EFHB: variants seen among roughly 807,000 people sequenced by gnomAD.
EFHB encodes EF-hand domain-containing family member B.
In EFHB, 91 loss-of-function variants were observed where a neutral mutation model predicts 87.2. The observed-to-expected ratio is 1.04, with a 90% CI of 0.88 to 1.24. The LOEUF is 1.24. EFHB is among the 50% of genes most tolerant of loss of function. The probability of loss-of-function intolerance (pLI) is 0.00; values close to 1 mark genes in which losing one functional copy is unlikely to be tolerated. For missense variants in EFHB, 1,084 were observed against 998.8 expected (o/e 1.09, Z -1.15); for synonymous variants, 325 against 333.6 (o/e 0.97, Z 0.28).
rs560529462 is a variant in EFHB, at chr3:19,884,440, A to G, written c.2109T>C (p.Ser703=). ...TGGCTCCTACAATTGCATTGATCTC[A>G]GAAGAAGTTGTCTTATAGTAGTTGG... ...KVSNYYKTTS[S]EINAIVGAIP... is the part of the protein sequence containing the mutation. The change falls in exon 11 of 13, where the codon TCT becomes TCC. Residue 703 remains serine, a synonymous_variant. Coordinates refer to ENST00000295824, the MANE Select transcript of EFHB (RefSeq NM_144715.4). 6.2e-7 allele frequency: 1 copy of G among 1,613,876 alleles called. No individual in the cohort carries two copies. Among genetic ancestry groups the G allele is most frequent in the African/African-American group, 1.3e-5 (1 of 75,046 alleles).
At position 19,934,117 on chromosome 3, in the gene EFHB, C is replaced by T; in HGVS notation, c.-99G>A. On this transcript the variant is annotated 5_prime_UTR_variant, in exon 1 of 13. Transcript: ENST00000295824. ...ACGCCTCCAATCCCTTGCGGAACCC[C>T]TCTCTCAGGAAAGAGCACAACCTCA... 1 of 1,467,274 alleles carries T rather than the reference C, an allele frequency of 6.8e-7. No individual in the cohort carries two copies. 90.9% of individuals were successfully genotyped at this position (1,467,274 alleles called of 1,614,324 possible). A position where few individuals can be genotyped will look rare whatever the true frequency, so the allele number is the denominator to read the frequency against.
In EFHB at chr3:19,888,321, G is replaced by A. The variant is rs148888292; in HGVS notation, c.1933+123C>T. 66 of 408,934 alleles carry A rather than the reference G, an allele frequency of 1.6e-4. 1 individual carries two copies. In the East Asian group the frequency reaches 2.7e-3, roughly 17 times the overall value. The allele number at this position is 408,934 out of a possible 1,614,324, so 25.3% of individuals were successfully genotyped here. ...GCAAGAGAATCCCTTGAACCCAGGA[G>A]TTCAAGGGCAAGTAGGACCAGCCTG... On this transcript the variant is annotated intron_variant, in intron 10 of 12. Coordinates refer to ENST00000295824, the MANE Select transcript of EFHB (RefSeq NM_144715.4).
intron 9 of EFHB, among the ~76,000 whole-genome samples, chr3:19,895,504 C>A (rs1257319550): frequency 6.6e-6 from 1 of 151,924 alleles, no homozygotes; most frequent in African/African-American, 2.4e-5. Context: ...AGGAATATGC[C>A]TGGTGGTTTA....
chr3:19,910,054 T>A (rs1312184974), intron 5 of EFHB, among the ~76,000 whole-genome samples: 2 of 151,608 alleles, frequency 1.3e-5, no homozygotes, highest in Admixed American at 6.6e-5. Context: ...AGAGCAAAAC[T>A]CCTTCTGCTT....
intron 1 of EFHB, among the ~76,000 whole-genome samples, chr3:19,939,637 A>G (rs1037661175): frequency 1.6e-4 from 24 of 150,728 alleles, no homozygotes; most frequent in African/African-American, 2.7e-4. Context: ...GCCCGCCTCG[A>G]CCTCCCAGAG....
upstream of EFHB, among the ~76,000 whole-genome samples, chr3:19,939,178 T>G (rs1696091056): frequency 6.6e-6 from 1 of 150,416 alleles, no homozygotes; most frequent in South Asian, 2.1e-4. Context: ...AAGTGCTGGA[T>G]TACATGCACG....
chr3:19,918,405 G>A lies in EFHB; in HGVS notation c.1004C>T (p.Thr335Ile). 6.3e-7 allele frequency: 1 copy of A among 1,586,254 alleles called. No homozygotes were observed. The highest frequency in any genetic ancestry group is 8.5e-7 in the Non-Finnish European group (1 of 1,170,806). The change falls in exon 4 of 13, where the codon ACA (threonine) becomes ATA (isoleucine). Residue 335 changes from threonine to isoleucine, a missense_variant. Transcript: ENST00000295824. Reference sequence around the variant, plus strand: ...GGTAATAGGCTGTGGGTTTATCAATGTGTTTGCCTAAAGAAATCATACAAT... The same window carrying A: ...GGTAATAGGCTGTGGGTTTATCAATATGTTTGCCTAAAGAAATCATACAAT... ...IRSKISVLAN[T>I]LINPQPITTF...
chr3:19,929,972 A>G (rs1695774679), intron 1 of EFHB, among the ~76,000 whole-genome samples: 1 of 152,172 alleles, frequency 6.6e-6, no homozygotes, highest in Non-Finnish European at 1.5e-5. Flanking sequence ...CTTTAGCCGA[A>G]TTACCTAAAT....
upstream of EFHB, chr3:19,936,155 C>A (rs763057142): frequency 1.4e-6 from 2 of 1,433,558 alleles, no homozygotes; most frequent in Non-Finnish European, 1.9e-6. Flanking sequence ...AATCTCAACA[C>A]TTCGGGAAGC....
rs1214280801 is a variant in EFHB at position 19,882,056 on chromosome 3, TAAA to T, written c.2328+491_2328+493del. ...ATAAATAAATAAATAAATAAATAAA[TAAA>T]TAATTAAATAAGACAGATGTATTAC... On this transcript the variant is annotated intron_variant, in intron 12 of 12. Transcript: ENST00000295824. Among the ~76,000 whole-genome samples, 34 of 91,662 alleles carry T rather than the reference TAAA, an allele frequency of 3.7e-4. No individual in the cohort carries two copies. The East Asian group carries it at 6.8e-3, about 18-fold the overall frequency. 60.1% of individuals were successfully genotyped at this position (91,662 alleles called of 152,430 possible).
Position 19,905,643 on chromosome 3 carries a change from T to A in EFHB, c.1395A>T (p.Leu465=). ...FNDGRAMAKS[L]YWLHELQMKR... Reference sequence around the variant, plus strand: ...ACATTTGTAGTTCATGGAGCCAATATAGAGATTTTGCCATGGCTCGTCCAT... The same window carrying A: ...ACATTTGTAGTTCATGGAGCCAATAAAGAGATTTTGCCATGGCTCGTCCAT... Residue 465 remains leucine (L), a synonymous_variant, in exon 6 of 13, where the codon CTA becomes CTT. Transcript: ENST00000295824. The A allele has an allele frequency of 6.2e-7, 1 of 1,613,802 alleles. No homozygotes were observed. Among genetic ancestry groups the A allele is most frequent in the Non-Finnish European group, 8.5e-7 (1 of 1,179,784 alleles).
intron 3 of EFHB, among the ~76,000 whole-genome samples, chr3:19,918,652 TAGCTTCCAGGTTACTTG>T (rs1017561755): frequency 2.6e-5 from 4 of 152,086 alleles, no homozygotes; most frequent in African/African-American, 9.7e-5. Flanking sequence ...TTTACAATGA[TAGCTTCCAGGTTACTTG>T]ACTCAAATAT....
chr3:19,895,185 T>C (rs1694438306), intron 9 of EFHB, among the ~76,000 whole-genome samples: 1 of 151,118 alleles, frequency 6.6e-6, no homozygotes, highest in African/African-American at 2.4e-5. Context: ...TAATTTATCA[T>C]AAGGAATATG....
At chr3:19,909,370 C>G (rs1190348966) in intron 5 of EFHB, among the ~76,000 whole-genome samples, 2 of 152,130 alleles carry the variant, frequency 1.3e-5, no homozygotes, top group Non-Finnish European at 2.9e-5. Context: ...GCATTTAAAT[C>G]AGCCCCACCA....
intron 9 of EFHB, among the ~76,000 whole-genome samples, chr3:19,895,446 A>C (rs888914194): frequency 6.6e-6 from 1 of 151,044 alleles, no homozygotes; most frequent in Non-Finnish European, 1.5e-5. Flanking sequence ...GCGCCACTGC[A>C]CTCCAGCCTG....
At chr3:19,907,058 C>T (rs541327814) in intron 5 of EFHB, among the ~76,000 whole-genome samples, 5 of 148,102 alleles carry the variant, frequency 3.4e-5, no homozygotes, top group African/African-American at 1.0e-4. Flanking sequence ...AAAAAAAAAA[C>T]TAAACGTTAA....
At chr3:19,898,901 T>C (rs1159051602) in intron 7 of EFHB, 56 bp from the exon 8 acceptor site, 6 of 1,560,164 alleles carry the variant, frequency 3.8e-6, no homozygotes. Context: ...ATCTCTGGAA[T>C]TTAAAATATG....
rs534484768 is a variant in EFHB at position 19,903,703 on chromosome 3, G to A, written c.1418+1917C>T. Among the ~76,000 whole-genome samples the A allele has an allele frequency of 3.9e-5, 6 of 151,918 alleles. No homozygotes were observed. In the South Asian group the frequency reaches 1.0e-3, roughly 26 times the overall value. On this transcript the variant is annotated intron_variant, in intron 6 of 12. Coordinates refer to ENST00000295824, the MANE Select transcript of EFHB (RefSeq NM_144715.4). ...TTACCATCCTTATTTTGAATAATTCGAGTATCAGAAACTCATGTAATAAAG... is the reference window on the plus strand; with the variant it reads ...TTACCATCCTTATTTTGAATAATTCAAGTATCAGAAACTCATGTAATAAAG...
upstream of EFHB, chr3:19,936,297 C>T: frequency 1.6e-6 from 1 of 607,324 alleles, no homozygotes; most frequent in African/African-American, 1.9e-5. Flanking sequence ...CGGCAGTGAG[C>T]CATCATTGCA....
Sources: allele counts gnomAD v4.1 joint callset (sites outside exome capture counted in the v4.1 genomes callset), GRCh38; gene constraint gnomAD v4.1.1; transcripts MANE v1.5; gene names NCBI Gene and HGNC (gene_info 2026-07-23, HGNC 2026-07-21).